The following CPNE8 variants were observed in gnomAD, a reference collection of about 807,000 sequenced individuals.
CPNE8 encodes copine-8.
Under a neutral mutation model 81.5 loss-of-function variants are expected in CPNE8, and 45 were observed. That is an observed-to-expected ratio of 0.55 (90% CI 0.44 to 0.71). CPNE8 has a LOEUF of 0.71. Among genes scored for constraint, CPNE8 ranks in the 30% least tolerant of loss-of-function variants. The pLI is 0.00. For missense variants in CPNE8, 594 were observed against 672.1 expected (o/e 0.88, Z 1.28); for synonymous variants, 252 against 226.3 (o/e 1.11, Z -1.02).
chr12:38,839,922 G>A lies in CPNE8; in HGVS notation c.324C>T (p.Ser108=), dbSNP rs1261047958. ...CATAAAAATATGAACTTACATGTTT[G>A]GATAAGTTGGGGCTCTTTGAATCAA... is the stretch of plus-strand genomic sequence containing the variant. The part of the protein sequence containing the change: ...YDVDSKSPNL[S]KHDFLGQVFC... The change falls in exon 5 of 20, where the codon TCC becomes TCT. Residue 108 remains serine (S), a synonymous_variant. Transcript: ENST00000331366. 2 of 1,577,066 alleles carry A rather than the reference G, an allele frequency of 1.3e-6. No homozygotes were observed. The highest frequency in any genetic ancestry group is 2.3e-5 in the South Asian group (2 of 87,418).
At chr12:38,770,949 C>T (rs931447866) in intron 7 of CPNE8, among the ~76,000 whole-genome samples, 3 of 152,008 alleles carry the variant, frequency 2.0e-5, no homozygotes, top group Non-Finnish European at 2.9e-5. Flanking sequence ...CATAGTCAGC[C>T]GACTAATGTC....
intron 13 of CPNE8, among the ~76,000 whole-genome samples, chr12:38,719,463 C>T (rs1006113658): frequency 1.3e-5 from 2 of 151,078 alleles, no homozygotes; most frequent in South Asian, 2.1e-4. Context: ...ATTAGCTGGG[C>T]GTGGTGGCAC....
At chr12:38,816,022 A>G (rs568631672) in intron 6 of CPNE8, among the ~76,000 whole-genome samples, 1 of 152,296 alleles carries the variant, frequency 6.6e-6, no homozygotes, top group East Asian at 1.9e-4. Flanking sequence ...AGGTCTATCT[A>G]TCTATCCATC....
In CPNE8 at chr12:38,652,802, T is replaced by G. The variant is rs888359814; in HGVS notation, c.*1080A>C. The G allele has an allele frequency of 6.6e-6, 1 of 152,596 alleles. No homozygotes were observed. Among genetic ancestry groups the G allele is most frequent in the Non-Finnish European group, 1.5e-5 (1 of 68,022 alleles). 9.5% of individuals were successfully genotyped at this position (152,596 alleles called of 1,614,324 possible). Reference sequence around the variant, plus strand: ...ATTCGTGGACAGGCAGGTCAGTATATAGGAGTAGGTTATTTCACAAATGTG... The same window carrying G: ...ATTCGTGGACAGGCAGGTCAGTATAGAGGAGTAGGTTATTTCACAAATGTG... On this transcript the variant is annotated 3_prime_UTR_variant, in exon 20 of 20. Coordinates refer to ENST00000331366, the MANE Select transcript of CPNE8 (RefSeq NM_153634.3).
intron 1 of CPNE8, among the ~76,000 whole-genome samples, chr12:38,896,506 A>G (rs887932354): frequency 6.6e-6 from 1 of 152,134 alleles, no homozygotes; most frequent in Non-Finnish European, 1.5e-5. Context: ...TGGCAACTAC[A>G]GCAGTATCTG....
chr12:38,666,630 G>A (rs536339886), intron 19 of CPNE8, among the ~76,000 whole-genome samples: 1 of 152,264 alleles, frequency 6.6e-6, no homozygotes, highest in Admixed American at 6.5e-5. Context: ...AAGAACCATG[G>A]AAATGTATGA....
At chr12:38,790,900 C>T (rs1474632549) in intron 6 of CPNE8, among the ~76,000 whole-genome samples, 4 of 151,514 alleles carry the variant, frequency 2.6e-5, no homozygotes, top group African/African-American at 9.7e-5. Flanking sequence ...TTGTAACATT[C>T]TCCATATCTC....
chr12:38,899,762 CA>C (rs1944433745), intron 1 of CPNE8, among the ~76,000 whole-genome samples: 1 of 152,080 alleles, frequency 6.6e-6, no homozygotes, highest in African/African-American at 2.4e-5. Context: ...CTGATTCCCA[CA>C]GAATGATTTC....
At chr12:38,703,037 G>T in intron 13 of CPNE8, 116 bp from the exon 14 acceptor site, 1 of 696,660 alleles carries the variant, frequency 1.4e-6, no homozygotes, top group Non-Finnish European at 2.4e-6. Flanking sequence ...TTAATTAAGA[G>T]CAATATATTA....
rs116524960 is a variant in CPNE8 at position 38,809,050 on chromosome 12, C to T, written c.407+20329G>A. Among the ~76,000 whole-genome samples, 1,437 of 152,170 alleles carry T rather than the reference C, an allele frequency of 9.4e-3. 30 individuals are homozygous for T. The highest frequency in any genetic ancestry group is 0.032 in the African/African-American group (1,318 of 41,540). On this transcript the variant is annotated intron_variant, in intron 6 of 19. Coordinates refer to ENST00000331366, the MANE Select transcript of CPNE8 (RefSeq NM_153634.3). The stretch of plus-strand genomic sequence containing the variant: ...CTATGAAAGGTAAATTGAGTATGAC[C>T]ATTTGGAAAACAATTTGGTTACCTA...
intron 13 of CPNE8, among the ~76,000 whole-genome samples, chr12:38,719,872 A>AT (rs1178244826): frequency 1.3e-5 from 2 of 152,186 alleles, no homozygotes; most frequent in African/African-American, 4.8e-5. Flanking sequence ...TGCAAATAAT[A>AT]TTTTTTCATA....
chr12:38,807,106 A>C (rs1942827075), intron 6 of CPNE8, among the ~76,000 whole-genome samples: 1 of 152,122 alleles, frequency 6.6e-6, no homozygotes, highest in Non-Finnish European at 1.5e-5. Context: ...AAAAGAGGAC[A>C]CAAACAAATG....
chr12:38,674,310 A>G (rs1166588574), intron 18 of CPNE8, among the ~76,000 whole-genome samples: 1 of 152,170 alleles, frequency 6.6e-6, no homozygotes, highest in Non-Finnish European at 1.5e-5. Flanking sequence ...GAGGTTTACC[A>G]TCTCTGAGGT....
rs142425141 is a variant in CPNE8 at position 38,780,442 on chromosome 12, G to T, written c.408-4141C>A. On this transcript the variant is annotated intron_variant, in intron 6 of 19. Coordinates refer to ENST00000331366, the MANE Select transcript of CPNE8 (RefSeq NM_153634.3). ...AGATGCAATGTTTGAAGAGATAATG[G>T]CTGGGAAACTTCTAGAAATGGTGAA... Among the ~76,000 whole-genome samples the T allele has an allele frequency of 3.9e-3, 599 of 152,192 alleles. 8 individuals are homozygous for T. The highest frequency in any genetic ancestry group is 0.033 in the South Asian group (157 of 4,822).
chr12:38,757,043 G>T (rs1419340932), intron 10 of CPNE8, among the ~76,000 whole-genome samples: 1 of 152,078 alleles, frequency 6.6e-6, no homozygotes, highest in Non-Finnish European at 1.5e-5. Context: ...ACTTTGTAAT[G>T]TTATCACTAG....
At chr12:38,672,569 G>A (rs1939199863) in intron 18 of CPNE8, among the ~76,000 whole-genome samples, 1 of 152,178 alleles carries the variant, frequency 6.6e-6, no homozygotes, top group Non-Finnish European at 1.5e-5. Flanking sequence ...AGCCATGGGA[G>A]ACACAATGAA....
chr12:38,904,065 A>G (rs1433638757), intron 1 of CPNE8, among the ~76,000 whole-genome samples: 4 of 152,168 alleles, frequency 2.6e-5, no homozygotes, highest in African/African-American at 9.7e-5. Context: ...CTTTGGCTTT[A>G]GGCTCAGTTT....
At chr12:38,750,948 G>A (rs535812669) in intron 10 of CPNE8, among the ~76,000 whole-genome samples, 51 of 152,246 alleles carry the variant, frequency 3.3e-4, no homozygotes, top group African/African-American at 1.2e-3. Flanking sequence ...ACGTGTTGTG[G>A]GAGGGACCTG....
At chr12:38,730,249 GA>G (rs1219870274) in intron 11 of CPNE8, 33 bp downstream of exon 11, 5 of 1,299,026 alleles carry the variant, frequency 3.8e-6, no homozygotes, top group Non-Finnish European at 5.5e-6. Flanking sequence ...ATTTATTCTA[GA>G]AAAAAACAAT....
Sources: gnomAD v4.1 joint callset for allele counts (sites outside exome capture counted in the v4.1 genomes callset) on GRCh38, gnomAD v4.1.1 for gene constraint, MANE v1.5 for transcripts, NCBI Gene and HGNC (gene_info 2026-07-23, HGNC 2026-07-21) for gene names.